FER1L6: variants seen among roughly 807,000 people sequenced by gnomAD.
FER1L6 encodes fer-1 like family member 6.
FER1L6 carries 177 observed loss-of-function variants against 219.2 expected under a neutral mutation model. The observed-to-expected ratio is 0.81, with a 90% CI of 0.71 to 0.91. The LOEUF is 0.91. Among genes scored for constraint, FER1L6 ranks in the 40% least tolerant of loss-of-function variants. The probability of loss-of-function intolerance (pLI) is 0.00; values close to 1 mark genes in which losing one functional copy is unlikely to be tolerated. For missense variants in FER1L6, 2,153 were observed against 2,259.9 expected, an observed-to-expected ratio of 0.95 and a Z score of 0.96; for synonymous variants, 768 against 824.3, an observed-to-expected ratio of 0.93 and a Z score of 1.17.
intron 16 of FER1L6, 34 bp from the exon 17 acceptor site, chr8:124,021,516 C>T (rs377016282): frequency 6.2e-6 from 10 of 1,610,572 alleles, no homozygotes; most frequent in Admixed American, 3.3e-5. Flanking sequence ...CCAGATCTCT[C>T]GAAAGACCCA....
At position 124,017,712 on chromosome 8, in the gene FER1L6, G is replaced by T. The variant is rs776958376; in HGVS notation, c.2007G>T (p.Gln669His). The T allele has an allele frequency of 1.8e-5, 29 of 1,612,668 alleles. No individual in the cohort carries two copies. The highest frequency in any genetic ancestry group is 1.3e-4 in the Admixed American group (8 of 59,936). Reference protein sequence around the residue: ...LDKKRLTLCWQELEAMCKEAK... With the variant: ...LDKKRLTLCWHELEAMCKEAK... ...AGAAGCGACTTACGCTCTGCTGGCAGGAGCTGGTATGTGAAAATCTATTTA... is the reference window on the plus strand; with the variant it reads ...AGAAGCGACTTACGCTCTGCTGGCATGAGCTGGTATGTGAAAATCTATTTA... Residue 669 changes from glutamine (Q) to histidine (H), a missense_variant, in exon 16 of 41, where the codon CAG (glutamine) becomes CAT (histidine). Coordinates refer to ENST00000522917, the MANE Select transcript of FER1L6 (RefSeq NM_001039112.2).
intron 10 of FER1L6, 126 bp from the exon 11 acceptor site, chr8:123,980,339 G>A (rs1405770302): frequency 1.3e-6 from 1 of 760,022 alleles, no homozygotes; most frequent in South Asian, 2.0e-5. Flanking sequence ...GTTGTCTTTT[G>A]GTCATGGGAT....
At chr8:123,980,893 GTGT>G (rs1345793608) in intron 11 of FER1L6, 82 bp downstream of exon 11, 2 of 1,219,938 alleles carry the variant, frequency 1.6e-6, no homozygotes, top group Non-Finnish European at 1.1e-6. Flanking sequence ...GTTCCTGAAG[GTGT>G]TGTCAGAATA....
intron 13 of FER1L6, 35 bp downstream of exon 13, chr8:124,003,382 T>C: frequency 6.5e-7 from 1 of 1,539,568 alleles, no homozygotes; most frequent in Non-Finnish European, 8.8e-7. Flanking sequence ...AGTCAAGGAT[T>C]TTGCTGGTGG....
At chr8:123,932,263 C>T (rs1365750678) in intron 1 of FER1L6, among the ~76,000 whole-genome samples, 1 of 152,094 alleles carries the variant, frequency 6.6e-6, no homozygotes, top group African/African-American at 2.4e-5. Flanking sequence ...TGCACACCAC[C>T]ACACCCAGCT....
intron 16 of FER1L6, among the ~76,000 whole-genome samples, chr8:124,019,245 C>A (rs148192619): frequency 6.6e-6 from 1 of 152,106 alleles, no homozygotes; most frequent in Admixed American, 6.6e-5. Flanking sequence ...AATTTTGAAT[C>A]CTTGATGATT....
At chr8:124,016,448 G>A (rs1374312205) in intron 15 of FER1L6, among the ~76,000 whole-genome samples, 1 of 151,756 alleles carries the variant, frequency 6.6e-6, no homozygotes, top group Non-Finnish European at 1.5e-5. Context: ...GCTCATCACT[G>A]AAATGATCAT....
At chr8:124,064,171 C>G (rs533833544) in intron 25 of FER1L6, among the ~76,000 whole-genome samples, 176 bp from the exon 26 acceptor site, 1 of 152,320 alleles carries the variant, frequency 6.6e-6, no homozygotes, top group East Asian at 1.9e-4. Flanking sequence ...CTTATTTCAT[C>G]CTCCTAGTGA....
rs966986957 is a variant in FER1L6 at position 124,064,345 on chromosome 8, A to G, written c.3329-2A>G. 1.2e-6 allele frequency: 2 copies of G among 1,612,038 alleles called. No individual in the cohort carries two copies. Among genetic ancestry groups the G allele is most frequent in the Admixed American group, 3.3e-5 (2 of 59,726 alleles). On this transcript the variant is annotated splice_acceptor_variant, in intron 25 of 40. Coordinates refer to ENST00000522917, the MANE Select transcript of FER1L6 (RefSeq NM_001039112.2). LOFTEE classifies it high-confidence loss of function. ...CCCTGACCTGATGTGCTTTCATTTCAGATATTTCAGATTCGCTAACAGCCA... is the reference window on the plus strand; with the variant it reads ...CCCTGACCTGATGTGCTTTCATTTCGGATATTTCAGATTCGCTAACAGCCA...
At chr8:123,855,607 C>A (rs1329454022) in intron 1 of FER1L6, among the ~76,000 whole-genome samples, 1 of 150,834 alleles carries the variant, frequency 6.6e-6, no homozygotes. Flanking sequence ...TGTCTTCCCA[C>A]TGGACCCCAC....
intron 2 of FER1L6, 73 bp from the exon 3 acceptor site, chr8:123,963,193 TGCCACAGGGCTG>T (rs1176269322): frequency 3.2e-6 from 5 of 1,566,894 alleles, no homozygotes; most frequent in Non-Finnish European, 4.3e-6. Flanking sequence ...TTATGGTGCC[TGCCACAGGGCTG>T]GCATAAGGTA....
rs369371018 is a variant in FER1L6, at chr8:124,035,293, C to T, written c.2303C>T (p.Pro768Leu). 3.5e-5 allele frequency: 56 copies of T among 1,613,396 alleles called. No individual in the cohort carries two copies. The highest frequency in any genetic ancestry group is 1.1e-4 in the South Asian group (10 of 90,992). ...TTTCTCCAGCCTCCTGGGAAACGAC[C>T]GGCTGGTTGGTCTGTGCAAGCAAAA... ...THFLKPPGKR[P>L]AGWSVQAKVD... Residue 768 changes from proline (P) to leucine (L), a missense_variant, in exon 19 of 41, where the codon CCG becomes CTG. Pro to Leu is a moderately conservative substitution (Grantham distance 98). Coordinates refer to ENST00000522917, the MANE Select transcript of FER1L6 (RefSeq NM_001039112.2).
rs560535266 is a variant in FER1L6 at position 124,068,085 on chromosome 8, T to TA, written c.3718+284dup. ...CAGTCTTAATGTAGAAACCGTAGAA[T>TA]AAAAATAGAAGCAATCTGGATGACT... On this transcript the variant is annotated intron_variant, in intron 28 of 40. Transcript: ENST00000522917. 2.2e-4 allele frequency among the ~76,000 whole-genome samples: 34 copies of TA among 152,234 alleles called. No homozygotes were observed. In the East Asian group the frequency reaches 6.4e-3, roughly 29 times the overall value.
chr8:123,936,159 A>G (rs1245992000), intron 1 of FER1L6, among the ~76,000 whole-genome samples: 1 of 152,132 alleles, frequency 6.6e-6, no homozygotes, highest in Non-Finnish European at 1.5e-5. Context: ...ATGTTACTGT[A>G]GGAGGAATGC....
Position 123,938,541 on chromosome 8 carries a change from A to AT in FER1L6, c.-7-17428dup, listed in dbSNP as rs11301898. ...TAAAAGCTTATACAATTTACCTGAA[A>AT]TTTTTTTTTTTTTTTTTTTTTTTGA... On this transcript the variant is annotated intron_variant, in intron 1 of 40. Coordinates refer to ENST00000522917, the MANE Select transcript of FER1L6 (RefSeq NM_001039112.2). Among the ~76,000 whole-genome samples, 137 of 93,602 alleles carry AT rather than the reference A, an allele frequency of 1.5e-3. 1 individual carries two copies. Among genetic ancestry groups the AT allele is most frequent in the East Asian group, 3.5e-3 (12 of 3,454 alleles). The allele number at this position is 93,602 out of a possible 152,430, so 61.4% of individuals were successfully genotyped here. A position where few individuals can be genotyped will look rare whatever the true frequency, so the allele number is the denominator to read the frequency against.
chr8:124,024,673 C>T (rs1056874038), intron 18 of FER1L6, among the ~76,000 whole-genome samples: 5 of 152,210 alleles, frequency 3.3e-5, no homozygotes, highest in East Asian at 1.9e-4. Context: ...TAAACATATA[C>T]GTGCTGGTGT....
At chr8:123,983,082 A>G (rs1409906205) in intron 11 of FER1L6, among the ~76,000 whole-genome samples, 41 of 152,188 alleles carry the variant, frequency 2.7e-4, no homozygotes, top group Admixed American at 2.7e-3. Context: ...GAATTTGTGG[A>G]TATATTTTAA....
intron 1 of FER1L6, among the ~76,000 whole-genome samples, chr8:123,927,784 C>T (rs1813623922): frequency 6.6e-6 from 1 of 152,172 alleles, no homozygotes; most frequent in African/African-American, 2.4e-5. Flanking sequence ...TCTCAATGTT[C>T]TAAACTTATC....
chr8:123,989,397 AT>A (rs1816746940), intron 12 of FER1L6, among the ~76,000 whole-genome samples: 1 of 152,132 alleles, frequency 6.6e-6, no homozygotes, highest in Non-Finnish European at 1.5e-5. Context: ...TTTTAAAAAT[AT>A]TTTTAAAATA....
Sources: gnomAD v4.1 joint callset for allele counts (sites outside exome capture counted in the v4.1 genomes callset) on GRCh38, gnomAD v4.1.1 for gene constraint, MANE v1.5 for transcripts, NCBI Gene and HGNC (gene_info 2026-07-23, HGNC 2026-07-21) for gene names.